NFIB: variants seen among roughly 807,000 people sequenced by gnomAD.
The protein encoded by NFIB is nuclear factor 1 B-type.
Under a neutral mutation model 61.5 loss-of-function variants are expected in NFIB, and 11 were observed. The ratio of observed to expected loss-of-function variants is 0.18; its 90% CI spans 0.11 to 0.30. The LOEUF is 0.30. Ranked by LOEUF, NFIB falls within the 10% of genes least tolerant of loss-of-function variation. NFIB has a pLI of 1.00. For synonymous variants in NFIB, 260 were observed against 216.5 expected, an observed-to-expected ratio of 1.20 and a Z score of -1.76; for missense variants, 471 against 608.9, an observed-to-expected ratio of 0.77 and a Z score of 2.38.
At chr9:14,429,083 A>C in the NFIB span, among the ~76,000 whole-genome samples, 1 of 152,192 alleles carries the variant, frequency 6.6e-6, no homozygotes, top group East Asian at 1.9e-4. Context: ...ACCTGCAATC[A>C]AATGACAGAG....
At chr9:14,198,136 A>C (rs2048652945) in intron 2 of NFIB, among the ~76,000 whole-genome samples, 1 of 152,168 alleles carries the variant, frequency 6.6e-6, no homozygotes, top group South Asian at 2.1e-4. Flanking sequence ...GAATTTTTTC[A>C]AAGTAAATAA....
At chr9:14,363,056 T>C (rs1413591926) in intron 1 of NFIB, among the ~76,000 whole-genome samples, 4 of 152,214 alleles carry the variant, frequency 2.6e-5, no homozygotes, top group Non-Finnish European at 4.4e-5. Flanking sequence ...TTCATTTTAT[T>C]GAGTCCCTTT....
intron 2 of NFIB, among the ~76,000 whole-genome samples, chr9:14,205,559 G>C (rs941465850): frequency 2.4e-4 from 36 of 152,034 alleles, no homozygotes; most frequent in African/African-American, 8.4e-4. Context: ...ATTTTTCTTT[G>C]AGACTGTTCC....
chr9:14,218,004 A>G (rs72698776), intron 2 of NFIB, among the ~76,000 whole-genome samples: 35 of 152,282 alleles, frequency 2.3e-4, no homozygotes, highest in Non-Finnish European at 4.6e-4. Flanking sequence ...GTAAAGCTGT[A>G]CTTTCCATCC....
At chr9:14,344,552 A>G (rs2060996645) in intron 1 of NFIB, among the ~76,000 whole-genome samples, 1 of 152,170 alleles carries the variant, frequency 6.6e-6, no homozygotes, top group African/African-American at 2.4e-5. Context: ...GGACAGAATA[A>G]GCTAGTTCAC....
At chr9:14,205,221 G>A (rs1275592452) in intron 2 of NFIB, among the ~76,000 whole-genome samples, 1 of 130,878 alleles carries the variant, frequency 7.6e-6, no homozygotes, top group East Asian at 2.3e-4. Context: ...GGAAGGGAGG[G>A]GAGGGGAGGG....
chr9:14,085,606 T>C lies in NFIB; in HGVS notation c.*2703A>G, dbSNP rs538519413. 1 of 219,982 alleles carries C rather than the reference T, an allele frequency of 4.5e-6. No individual in the cohort carries two copies. Among genetic ancestry groups the C allele is most frequent in the Non-Finnish European group, 9.1e-6 (1 of 109,844 alleles). The allele number at this position is 219,982 out of a possible 1,614,324, so 13.6% of individuals were successfully genotyped here. ...GAGATAAAATGAAAACAGGATTTAC[T>C]TTTTTGTTCCTTAAAAATTGAACTT... On this transcript the variant is annotated 3_prime_UTR_variant, in exon 11 of 11. Transcript: ENST00000380953.
the NFIB span, among the ~76,000 whole-genome samples, chr9:14,477,150 A>G: frequency 6.6e-6 from 1 of 152,216 alleles, no homozygotes; most frequent in South Asian, 2.1e-4. Flanking sequence ...ATGACATTCC[A>G]TTCTGCCTGA....
the NFIB span, among the ~76,000 whole-genome samples, chr9:14,465,104 G>C: frequency 9.9e-5 from 15 of 152,170 alleles, no homozygotes; most frequent in African/African-American, 1.9e-4. Flanking sequence ...CTTTGCAAAG[G>C]CTTCACTGTA....
the NFIB span, among the ~76,000 whole-genome samples, chr9:14,496,531 A>G: frequency 1.1e-3 from 162 of 152,334 alleles, no homozygotes; most frequent in African/African-American, 3.8e-3. Flanking sequence ...AAGTGAACCT[A>G]CAAGAGCCTC....
rs539471654 is a variant in NFIB at position 14,232,038 on chromosome 9, C to T, written c.563-52258G>A. 7.9e-5 allele frequency among the ~76,000 whole-genome samples: 12 copies of T among 152,244 alleles called. No individual in the cohort carries two copies. The South Asian group carries it at 1.0e-3, about 13-fold the overall frequency. On this transcript the variant is annotated intron_variant, in intron 2 of 10. Coordinates refer to ENST00000380953, the MANE Select transcript of NFIB (RefSeq NM_001190737.2). Reference sequence around the variant, plus strand: ...ACACTCAAAAGATCCTAAGGTAAATCGCAGTCTCTTATCAGTATGGAACAG... The same window carrying T: ...ACACTCAAAAGATCCTAAGGTAAATTGCAGTCTCTTATCAGTATGGAACAG...
intron 1 of NFIB, among the ~76,000 whole-genome samples, chr9:14,310,390 C>A (rs1396791145): frequency 6.6e-6 from 1 of 152,122 alleles, no homozygotes; most frequent in South Asian, 2.1e-4. Flanking sequence ...CCAAAAATGA[C>A]TGTAAATTGA....
Position 14,151,779 on chromosome 9 carries a change from C to T in NFIB, c.686-1514G>A, listed in dbSNP as rs531699119. Among the ~76,000 whole-genome samples, 6 of 152,172 alleles carry T rather than the reference C, an allele frequency of 3.9e-5. No homozygotes were observed. The South Asian group carries it at 1.2e-3, about 32-fold the overall frequency. ...GAATAGTTTCCATTTCTTTACCTGT[C>T]TTAATCAGCCCTTCAAAAGCTCACA... is the stretch of plus-strand genomic sequence containing the variant. On this transcript the variant is annotated intron_variant, in intron 4 of 10. Coordinates refer to ENST00000380953, the MANE Select transcript of NFIB (RefSeq NM_001190737.2).
At chr9:14,365,596 G>A (rs1244882553) in intron 1 of NFIB, among the ~76,000 whole-genome samples, 2 of 152,206 alleles carry the variant, frequency 1.3e-5, no homozygotes, top group Non-Finnish European at 2.9e-5. Context: ...CCATAATGAT[G>A]AGTTCATCTG....
At chr9:14,495,446 C>CTTTTTTTTTTTTTTTTTTTTTT in the NFIB span, among the ~76,000 whole-genome samples, 24 of 117,260 alleles carry the variant, frequency 2.0e-4, 3 homozygotes, top group African/African-American at 8.3e-4. Context: ...GAGAAATGAA[C>CTTTTTTTTTTTTTTTTTTTTTT]TTTTTTTTTT....
intron 2 of NFIB, among the ~76,000 whole-genome samples, chr9:14,276,090 T>C (rs1245125376): frequency 6.6e-6 from 1 of 152,164 alleles, no homozygotes; most frequent in African/African-American, 2.4e-5. Flanking sequence ...GTTTTTTGTT[T>C]TGTCTTGTCA....
chr9:14,219,381 T>TAAAAAAAAAAAAAAA (rs751279935), intron 2 of NFIB, among the ~76,000 whole-genome samples: 6 of 73,516 alleles, frequency 8.2e-5, no homozygotes, highest in Non-Finnish European at 9.7e-5. Flanking sequence ...AGCACTAGGG[T>TAAAAAAAAAAAAAAA]AAAAAAAAAA....
Position 14,355,963 on chromosome 9 carries a change from A to G in NFIB, c.108+42561T>C, listed in dbSNP as rs1304134690. Among the ~76,000 whole-genome samples, 5 of 150,114 alleles carry G rather than the reference A, an allele frequency of 3.3e-5. No individual in the cohort carries two copies. The East Asian group carries it at 7.8e-4, about 23-fold the overall frequency. On this transcript the variant is annotated intron_variant, in intron 1 of 8. Coordinates refer to the NFIB transcript ENST00000380934. Reference sequence around the variant, plus strand: ...CAGAGCGAGACTCCGCCTCAAACAAACAAACAAATAAAAAAAAAAAAAAAA... The same window carrying G: ...CAGAGCGAGACTCCGCCTCAAACAAGCAAACAAATAAAAAAAAAAAAAAAA...
intron 2 of NFIB, among the ~76,000 whole-genome samples, chr9:14,225,642 A>G (rs1182482553): frequency 6.6e-6 from 1 of 152,070 alleles, no homozygotes; most frequent in South Asian, 2.1e-4. Flanking sequence ...ATCATTGCTT[A>G]TAATATTAAA....
Sources: gnomAD v4.1 joint callset for allele counts (sites outside exome capture counted in the v4.1 genomes callset) on GRCh38, gnomAD v4.1.1 for gene constraint, MANE v1.5 for transcripts, NCBI Gene and HGNC (gene_info 2026-07-23, HGNC 2026-07-21) for gene names.